The following PLXND1 variants were observed in gnomAD, a reference collection of about 807,000 sequenced individuals.
The protein encoded by PLXND1 is plexin D1, also known as plexin-D1.
In PLXND1, 54 loss-of-function variants were observed where a neutral mutation model predicts 197.7. The ratio of observed to expected loss-of-function variants is 0.27; its 90% confidence interval spans 0.22 to 0.34. The LOEUF is 0.34. Among genes scored for constraint, PLXND1 ranks in the 10% least tolerant of loss-of-function variants. PLXND1 has a pLI of 1.00. For missense variants in PLXND1, 2,127 were observed against 2,699.2 expected, an observed-to-expected ratio of 0.79 and a Z score of 4.70; for synonymous variants, 1,180 against 1,161.2, an observed-to-expected ratio of 1.02 and a Z score of -0.33.
intron 2 of PLXND1, among the ~76,000 whole-genome samples, chr3:129,588,562 TC>T (rs1257667715): frequency 3.3e-5 from 5 of 152,202 alleles, no homozygotes; most frequent in Non-Finnish European, 7.3e-5. Context: ...GGGACTCCAC[TC>T]CCCACGCCCA....
intron 15 of PLXND1, among the ~76,000 whole-genome samples, chr3:129,572,218 C>A (rs2085244846): frequency 6.6e-6 from 1 of 152,198 alleles, no homozygotes; most frequent in Non-Finnish European, 1.5e-5. Context: ...GGTGTCCCAG[C>A]AATGCCCATT....
chr3:129,563,394 G>A lies in PLXND1; in HGVS notation c.4522-154C>T, dbSNP rs140808562. On this transcript the variant is annotated intron_variant, in intron 25 of 35. Coordinates refer to ENST00000324093, the MANE Select transcript of PLXND1 (RefSeq NM_015103.3). ...ACTCTCCTCTCCAGGGTGTCTCCAC[G>A]GACCCTAAGCTCGTGTTCATTAAAC... Among the ~76,000 whole-genome samples the A allele has an allele frequency of 1.7e-3, 256 of 152,204 alleles. 3 individuals are homozygous for A. Among genetic ancestry groups the A allele is most frequent in the African/African-American group, 5.9e-3 (244 of 41,518 alleles).
At position 129,567,599 on chromosome 3, in the gene PLXND1, C is replaced by T. The variant is rs1337173064; in HGVS notation, c.3979G>A (p.Ala1327Thr). The T allele has an allele frequency of 1.2e-6, 2 of 1,609,564 alleles. No homozygotes were observed. The highest frequency in any genetic ancestry group is 8.5e-7 in the Non-Finnish European group (1 of 1,176,782). The stretch of plus-strand genomic sequence containing the variant: ...TCTGTCATGTCTGTCTGCAGCTCAG[C>T]GAAGCCTGGCGGACACACGGACAGC... Reference protein sequence around the residue: ...QIREEIRKGFAELQTDMTDLT... With the variant: ...QIREEIRKGFTELQTDMTDLT... Residue 1327 changes from alanine to threonine, a missense_variant, in exon 22 of 36, where the codon GCT becomes ACT. Around this residue, in one of 6 missense-constraint regions of PLXND1, gnomAD observed 532 missense variants for 811.0 expected, o/e 0.66. Transcript: ENST00000324093.
At chr3:129,556,975 C>T (rs1355812808) in intron 34 of PLXND1, 108 bp downstream of exon 34, 1 of 1,216,960 alleles carries the variant, frequency 8.2e-7, no homozygotes, top group Non-Finnish European at 1.2e-6. Flanking sequence ...TTCTGAAATG[C>T]CCTCTGCGCT....
Position 129,574,587 on chromosome 3 carries a change from G to A in PLXND1, c.2531-97C>T, listed in dbSNP as rs182388524. 380 of 1,256,820 alleles carry A rather than the reference G, an allele frequency of 3.0e-4. No individual in the cohort carries two copies. In the African/African-American group the frequency reaches 5.1e-3, roughly 17 times the overall value. The allele number at this position is 1,256,820 out of a possible 1,614,324, so 77.9% of individuals were successfully genotyped here. On this transcript the variant is annotated intron_variant, in intron 11 of 35. Transcript: ENST00000324093. ...ACACAACAACTGTCAAGAGGTCTGCGCCCCATCATTGTGGTGCCCCACCCA... is the reference window on the plus strand; with the variant it reads ...ACACAACAACTGTCAAGAGGTCTGCACCCCATCATTGTGGTGCCCCACCCA...
intron 20 of PLXND1, among the ~76,000 whole-genome samples, chr3:129,568,993 C>G (rs900185079): frequency 1.2e-4 from 18 of 152,356 alleles, no homozygotes; most frequent in African/African-American, 4.3e-4. Flanking sequence ...AATCACCATT[C>G]AGCTTTCTGT....
At chr3:129,561,434 C>A (rs904824475) in intron 29 of PLXND1, among the ~76,000 whole-genome samples, 1 of 152,226 alleles carries the variant, frequency 6.6e-6, no homozygotes, top group African/African-American at 2.4e-5. Flanking sequence ...CTCTCTCCAG[C>A]TGCCGCAGGA....
At position 129,606,166 on chromosome 3, in the gene PLXND1, G is replaced by A. The variant is rs746758587; in HGVS notation, c.474C>T (p.Ala158=). ...CGGCGGGCGGGAAGCGCACGGCCAC[G>A]GCCGAGATGTTGCCCCGGCGCCGCA... is the stretch of plus-strand genomic sequence containing the variant. ...CQLRRRGNIS[A]VAVRFPPAAP... Residue 158 remains alanine (A), a synonymous_variant, in exon 1 of 36, where the codon GCC becomes GCT. Transcript: ENST00000324093. 13 of 1,534,684 alleles carry A rather than the reference G, an allele frequency of 8.5e-6. No homozygotes were observed. In the African/African-American group the frequency reaches 9.8e-5, roughly 12 times the overall value.
At position 129,589,365 on chromosome 3, in the gene PLXND1, C is replaced by T. The variant is rs754446744; in HGVS notation, c.1474G>A (p.Gly492Arg). The part of the protein sequence containing the change: ...YTAVFLGTVN[G>R]RLLKINLNES... ...ACCATACCTACCTTGAGAAGCCTCC[C>T]GTTGACCGTGCCCAGGAAGACCGCT... Residue 492 changes from glycine (G) to arginine (R), a missense_variant, in exon 2 of 36, where the codon GGG (glycine) becomes AGG (arginine). Coordinates refer to ENST00000324093, the MANE Select transcript of PLXND1 (RefSeq NM_015103.3). 13 of 1,609,054 alleles carry T rather than the reference C, an allele frequency of 8.1e-6. No individual in the cohort carries two copies. Among genetic ancestry groups the T allele is most frequent in the Non-Finnish European group, 3.4e-6 (4 of 1,178,498 alleles).
intron 2 of PLXND1, 139 bp from the exon 3 acceptor site, chr3:129,586,858 C>T (rs1052865558): frequency 8.2e-6 from 8 of 971,544 alleles, no homozygotes; most frequent in Admixed American, 2.2e-5. Context: ...AAGTCACGGG[C>T]GTGCAGGGGA....
At chr3:129,561,531 G>A (rs1055641269) in intron 29 of PLXND1, 115 bp downstream of exon 29, 2 of 745,100 alleles carry the variant, frequency 2.7e-6, no homozygotes, top group African/African-American at 3.5e-5. Context: ...CACCAAGGAG[G>A]CCTCAGCCCA....
chr3:129,586,188 A>G lies in PLXND1; in HGVS notation c.1705T>C (p.Cys569Arg). ...CAGCCTCACCGCGTCTCCAGGGCAC[A>G]CCAGCCGCAGTAGGCGTCCGCCGCA... ...VGAADAYCGW[C>R]ALETRCTLQQ... The change falls in exon 4 of 36, where the codon TGT (cysteine) becomes CGT (arginine). Residue 569 changes from cysteine to arginine, a missense_variant. Transcript: ENST00000324093. 11 of 1,600,710 alleles carry G rather than the reference A, an allele frequency of 6.9e-6. No individual in the cohort carries two copies. Among genetic ancestry groups the G allele is most frequent in the Non-Finnish European group, 8.5e-6 (10 of 1,176,852 alleles).
intron 8 of PLXND1, among the ~76,000 whole-genome samples, chr3:129,579,993 G>C (rs1222964209): frequency 6.6e-6 from 1 of 152,114 alleles, no homozygotes; most frequent in Non-Finnish European, 1.5e-5. Context: ...CCCTCTGCTG[G>C]GACCGTTCTG....
chr3:129,572,947 G>C lies in PLXND1; in HGVS notation c.2838-6C>G. ...GCCCTGTGACACACACGATCCTGAG[G>C]GGAGGTGCTGTGGTCAGCCAGCGGT... On this transcript the variant is annotated splice_region_variant and splice_polypyrimidine_tract_variant and intron_variant, in intron 13 of 35. Coordinates refer to ENST00000324093, the MANE Select transcript of PLXND1 (RefSeq NM_015103.3). 4 of 1,608,070 alleles carry C rather than the reference G, an allele frequency of 2.5e-6. No homozygotes were observed. The highest frequency in any genetic ancestry group is 3.4e-6 in the Non-Finnish European group (4 of 1,175,318).
Position 129,559,358 on chromosome 3 carries a change from G to C in PLXND1, c.5297+262C>G, listed in dbSNP as rs147478023. ...GTGCCCACCTGAGAGGGGTGCGGGA[G>C]AATGATAGTAAGGGCAACACCTAGA... On this transcript the variant is annotated intron_variant, in intron 32 of 35. Coordinates refer to ENST00000324093, the MANE Select transcript of PLXND1 (RefSeq NM_015103.3). 9.8e-4 allele frequency: 382 copies of C among 391,460 alleles called. 4 individuals are homozygous for C. The East Asian group carries it at 0.015, about 15-fold the overall frequency. The allele number at this position is 391,460 out of a possible 1,614,324, so 24.2% of individuals were successfully genotyped here.
chr3:129,589,308 C>CCGGGGG, intron 2 of PLXND1, 43 bp downstream of exon 2: 5 of 628,604 alleles, frequency 8.0e-6, no homozygotes, highest in East Asian at 3.7e-5. Context: ...CCCAGGGGAG[C>CCGGGGG]CTCCCACCCC....
At chr3:129,563,621 G>C (rs958557767) in intron 25 of PLXND1, among the ~76,000 whole-genome samples, 1 of 152,176 alleles carries the variant, frequency 6.6e-6, no homozygotes, top group Non-Finnish European at 1.5e-5. Context: ...TCTACTAAGT[G>C]GGGGGCCCCC....
rs959821221 is a variant in PLXND1 at position 129,605,531 on chromosome 3, G to C, written c.1109C>G (p.Ala370Gly). 11 of 1,524,444 alleles carry C rather than the reference G, an allele frequency of 7.2e-6. No individual in the cohort carries two copies. In the East Asian group the frequency reaches 7.7e-5, roughly 11 times the overall value. 94.4% of individuals were successfully genotyped at this position (1,524,444 alleles called of 1,614,324 possible). A position where few individuals can be genotyped will look rare whatever the true frequency, so the allele number is the denominator to read the frequency against. Residue 370 changes from alanine (A) to glycine (G), a missense_variant, in exon 1 of 36, where the codon GCT becomes GGT. By Grantham distance (60) the Ala-to-Gly change is moderately conservative (BLOSUM62 0). Around this residue, in one of 6 missense-constraint regions of PLXND1, gnomAD observed 1,095 missense variants for 1,259.8 expected, o/e 0.87. Transcript: ENST00000324093. ...GGACCCCTGGGGCCGCTCGAAGACAGCAAAGAGCCGCTCCCGGGCTGGGAA... is the reference window on the plus strand; with the variant it reads ...GGACCCCTGGGGCCGCTCGAAGACACCAAAGAGCCGCTCCCGGGCTGGGAA... ...SVFPARERLF[A>G]VFERPQGSPA...
At position 129,558,458 on chromosome 3, in the gene PLXND1, G is replaced by T; in HGVS notation, c.5415C>A (p.Ala1805=). ...CCAGCTGCAGGTCAGAGATGGAGCA[G>T]GCGTCGATGAAGGCCTGCGCGATGA... ...LSVIAQAFID[A]CSISDLQLGK... Residue 1805 remains alanine, a synonymous_variant, in exon 33 of 36, where the codon GCC becomes GCA. Transcript: ENST00000324093. This position sits in a 1 kb window ranked among gnomAD's most constrained non-coding sequence, Gnocchi z 4.1. 1.2e-6 allele frequency: 2 copies of T among 1,613,918 alleles called. No individual in the cohort carries two copies. The highest frequency in any genetic ancestry group is 1.7e-6 in the Non-Finnish European group (2 of 1,179,994).
Sources: gnomAD v4.1 joint callset for allele counts (sites outside exome capture counted in the v4.1 genomes callset) on GRCh38, gnomAD v4.1.1 for gene constraint, gnomAD v4.1.1 regional missense constraint, Gnocchi (gnomAD v3.1) non-coding constraint, MANE v1.5 for transcripts, NCBI Gene and HGNC (gene_info 2026-07-23, HGNC 2026-07-21) for gene names.